The following MARCHF1 variants were observed in gnomAD, a reference collection of about 807,000 sequenced individuals.
MARCHF1 encodes the protein membrane associated ring-CH-type finger 1.
Under a neutral mutation model 54.2 loss-of-function variants are expected in MARCHF1, and 40 were observed. That is an observed-to-expected ratio of 0.74 (90% CI 0.57 to 0.96). The LOEUF (loss-of-function observed/expected upper bound fraction) is 0.96, where lower values mean the gene tolerates loss of function less well. MARCHF1 is among the 40% of genes least tolerant of loss of function. The probability of loss-of-function intolerance (pLI) is 0.00; values close to 1 mark genes in which losing one functional copy is unlikely to be tolerated. For missense variants in MARCHF1, 586 were observed against 656.5 expected, an observed-to-expected ratio of 0.89 and a Z score of 1.17; for synonymous variants, 236 against 236.3, an observed-to-expected ratio of 1.00 and a Z score of 0.01.
At chr4:164,029,440 C>T (rs1212767179) in intron 2 of MARCHF1, among the ~76,000 whole-genome samples, 1 of 152,024 alleles carries the variant, frequency 6.6e-6, no homozygotes, top group Non-Finnish European at 1.5e-5. Context: ...CCAATCACCT[C>T]CTACAGGCCC....
chr4:164,026,806 C>T (rs995679179), intron 2 of MARCHF1, among the ~76,000 whole-genome samples: 6 of 151,974 alleles, frequency 3.9e-5, no homozygotes, highest in African/African-American at 4.8e-5. Flanking sequence ...ACTCTCTCTT[C>T]GTAGATGATA....
intron 1 of MARCHF1, among the ~76,000 whole-genome samples, chr4:164,214,519 A>G (rs987328183): frequency 6.6e-6 from 1 of 152,166 alleles, no homozygotes; most frequent in Admixed American, 6.5e-5. Flanking sequence ...ATATATTATT[A>G]GGCTAAGATC....
chr4:163,588,066 T>C (rs1740468607), intron 7 of MARCHF1, among the ~76,000 whole-genome samples: 1 of 152,108 alleles, frequency 6.6e-6, no homozygotes, highest in South Asian at 2.1e-4. Context: ...ACCAGGATTT[T>C]GAACGAATTT....
At chr4:163,574,590 G>A (rs1398738336) in intron 8 of MARCHF1, among the ~76,000 whole-genome samples, 2 of 146,386 alleles carry the variant, frequency 1.4e-5, no homozygotes, top group Non-Finnish European at 3.0e-5. Context: ...CCCATTGCTT[G>A]TTTTTCTCAG....
chr4:163,527,572 C>A lies in MARCHF1; in HGVS notation c.*1176G>T, dbSNP rs1560922330. 1 of 151,972 alleles carries A rather than the reference C, an allele frequency of 6.6e-6. No individual in the cohort carries two copies. The highest frequency in any genetic ancestry group is 1.5e-5 in the Non-Finnish European group (1 of 67,958). The allele number at this position is 151,972 out of a possible 1,614,324, so 9.4% of individuals were successfully genotyped here. ...GATTTTTACCCTTTAGAGATGTGAA[C>A]TTCATCTGACTTTAAAATGAGGACA... is the stretch of plus-strand genomic sequence containing the variant. On this transcript the variant is annotated 3_prime_UTR_variant, in exon 10 of 10. Transcript: ENST00000514618.
intron 1 of MARCHF1, among the ~76,000 whole-genome samples, chr4:164,305,927 C>T (rs1734684278): frequency 6.6e-6 from 1 of 152,034 alleles, no homozygotes; most frequent in South Asian, 2.1e-4. Flanking sequence ...AAAAGTCACA[C>T]AAAAGAATAG....
intron 1 of MARCHF1, among the ~76,000 whole-genome samples, chr4:164,235,084 G>T (rs1732510571): frequency 6.6e-6 from 1 of 151,966 alleles, no homozygotes; most frequent in Non-Finnish European, 1.5e-5. Flanking sequence ...TTAAAGAAGG[G>T]TGTTCTCTAA....
rs77157770 is a variant in MARCHF1, at chr4:163,886,942, T to C, written c.-38-32773A>G. 7.9e-5 allele frequency among the ~76,000 whole-genome samples: 12 copies of C among 152,260 alleles called. No individual in the cohort carries two copies. The East Asian group carries it at 2.1e-3, about 27-fold the overall frequency. Reference sequence around the variant, plus strand: ...TACCCAAATTCTCCTGGCTAGAATTTTCTATTTCAACATCTTCAAATGTTA... The same window carrying C: ...TACCCAAATTCTCCTGGCTAGAATTCTCTATTTCAACATCTTCAAATGTTA... On this transcript the variant is annotated intron_variant, in intron 3 of 9. Transcript: ENST00000514618.
chr4:164,261,016 T>C (rs1579669727), intron 1 of MARCHF1, among the ~76,000 whole-genome samples: 1 of 152,308 alleles, frequency 6.6e-6, no homozygotes, highest in African/African-American at 2.4e-5. Context: ...CCACTGTGAC[T>C]GTGTCCTTAA....
At chr4:163,716,285 TA>T (rs1481556599) in intron 4 of MARCHF1, among the ~76,000 whole-genome samples, 1 of 152,210 alleles carries the variant, frequency 6.6e-6, no homozygotes, top group Non-Finnish European at 1.5e-5. Context: ...GTCCTAATTT[TA>T]AAAATAAGTT....
chr4:163,786,472 A>G (rs1747622792), intron 4 of MARCHF1, among the ~76,000 whole-genome samples: 1 of 152,012 alleles, frequency 6.6e-6, no homozygotes, highest in South Asian at 2.1e-4. Context: ...GAAGAATAAG[A>G]AAATAATAAT....
rs1738069710 is a variant in MARCHF1 at position 163,525,463 on chromosome 4, C to G, written c.*3285G>C. 6.6e-6 allele frequency: 1 copy of G among 152,100 alleles called. No homozygotes were observed. Among genetic ancestry groups the G allele is most frequent in the Non-Finnish European group, 1.5e-5 (1 of 67,996 alleles). The allele number at this position is 152,100 out of a possible 1,614,324, so 9.4% of individuals were successfully genotyped here. ...GCTGTATCTCAGGTTGTTGGGCTCA[C>G]TTTAGTTTAGATTTTGTTCATTTTT... On this transcript the variant is annotated 3_prime_UTR_variant, in exon 10 of 10. Transcript: ENST00000514618.
chr4:163,781,171 T>C (rs11730186), intron 4 of MARCHF1, among the ~76,000 whole-genome samples: 63 of 152,050 alleles, frequency 4.1e-4, no homozygotes, highest in African/African-American at 1.4e-3. Context: ...GCCAACACGA[T>C]GAAACCCCGT....
At chr4:163,698,439 TAAATAGGTA>T (rs2111223549) in intron 5 of MARCHF1, among the ~76,000 whole-genome samples, 1 of 152,334 alleles carries the variant, frequency 6.6e-6, no homozygotes, top group Non-Finnish European at 1.5e-5. Flanking sequence ...TAAGTTGGTT[TAAATAGGTA>T]AACTCATGTG....
intron 4 of MARCHF1, among the ~76,000 whole-genome samples, 189 bp downstream of exon 4, chr4:163,853,832 A>G (rs1414327520): frequency 1.3e-5 from 2 of 152,246 alleles, no homozygotes; most frequent in Non-Finnish European, 2.9e-5. Context: ...AAACTCTAAT[A>G]TTATATGTCA....
chr4:163,965,275 G>A (rs146573692), intron 3 of MARCHF1, among the ~76,000 whole-genome samples: 36 of 152,098 alleles, frequency 2.4e-4, no homozygotes, highest in African/African-American at 7.9e-4. Flanking sequence ...GATCTCTCTT[G>A]TTAGGGATTG....
chr4:163,749,828 G>A (rs139286983), intron 4 of MARCHF1, among the ~76,000 whole-genome samples: 16 of 152,008 alleles, frequency 1.1e-4, no homozygotes, highest in Non-Finnish European at 1.5e-4. Flanking sequence ...TCGGGAGGCC[G>A]AGGCAGGCAG....
At chr4:164,228,714 C>T (rs1344317969) in intron 1 of MARCHF1, among the ~76,000 whole-genome samples, 1 of 152,062 alleles carries the variant, frequency 6.6e-6, no homozygotes, top group Non-Finnish European at 1.5e-5. Flanking sequence ...TTTCTAACCC[C>T]TTTGTTCAGG....
Position 163,545,667 on chromosome 4 carries a change from G to A in MARCHF1, c.1268C>T (p.Thr423Ile). ...CSVTFHVIAI[T>I]CVVWSLYVLI... ...TACATACAAAGACCAAACCACACAG[G>A]TGATCGCGATTACGTGGAATGTGAC... The change falls in exon 9 of 10, where the codon ACC becomes ATC. Residue 423 changes from threonine to isoleucine, a missense_variant. This residue lies in a region of MARCHF1 where 93 missense variants were observed against 168.2 expected (regional missense o/e 0.55). Transcript: ENST00000514618. 5 of 1,614,036 alleles carry A rather than the reference G, an allele frequency of 3.1e-6. No individual in the cohort carries two copies. Among genetic ancestry groups the A allele is most frequent in the Non-Finnish European group, 4.2e-6 (5 of 1,179,950 alleles).
Sources: gnomAD v4.1 joint callset for allele counts (sites outside exome capture counted in the v4.1 genomes callset) on GRCh38, gnomAD v4.1.1 for gene constraint, gnomAD v4.1.1 regional missense constraint, MANE v1.5 for transcripts, NCBI Gene and HGNC (gene_info 2026-07-23, HGNC 2026-07-21) for gene names.